SPOCK3: variants seen among roughly 807,000 people sequenced by gnomAD.
SPOCK3 encodes the protein testican-3.
A neutral mutation model predicts 56.6 loss-of-function variants in SPOCK3; 30 were observed. The ratio of observed to expected loss-of-function variants is 0.53; its 90% confidence interval spans 0.40 to 0.72. SPOCK3 has a LOEUF of 0.72. Ranked by LOEUF, SPOCK3 falls within the 30% of genes least tolerant of loss-of-function variation. SPOCK3 has a pLI of 0.00. For missense variants in SPOCK3, 527 were observed against 530.0 expected, an observed-to-expected ratio of 0.99 and a Z score of 0.06; for synonymous variants, 196 against 183.3, an observed-to-expected ratio of 1.07 and a Z score of -0.56.
intron 7 of SPOCK3, among the ~76,000 whole-genome samples, chr4:166,791,128 C>T (rs538732501): frequency 8.3e-4 from 127 of 152,122 alleles, no homozygotes; most frequent in Non-Finnish European, 1.7e-3. Context: ...TTAGTCATTA[C>T]GCATTCAAAG....
chr4:166,976,702 G>A (rs1473895818), intron 4 of SPOCK3, among the ~76,000 whole-genome samples: 3 of 151,828 alleles, frequency 2.0e-5, no homozygotes, highest in South Asian at 4.1e-4. Flanking sequence ...TGTACCTCTA[G>A]CATAAAGAAA....
chr4:167,093,269 C>G lies in SPOCK3; in HGVS notation c.190-30732G>C, dbSNP rs1758863170. ...CCCAATAATCAATACATATTGATAA[C>G]CAATTAACAGAATATATCCCTTAAT... On this transcript the variant is annotated intron_variant, in intron 2 of 10. Transcript: ENST00000357545. Among the ~76,000 whole-genome samples, 2 of 152,086 alleles carry G rather than the reference C, an allele frequency of 1.3e-5. 1 individual carries two copies. Among genetic ancestry groups the G allele is most frequent in the South Asian group, 4.1e-4 (2 of 4,824 alleles).
intron 2 of SPOCK3, among the ~76,000 whole-genome samples, chr4:167,108,690 T>C (rs1027008466): frequency 6.6e-6 from 1 of 151,428 alleles, no homozygotes. Flanking sequence ...GCAGTGGAGA[T>C]GGTTAATGGG....
At chr4:167,104,326 C>A (rs189583442) in intron 2 of SPOCK3, among the ~76,000 whole-genome samples, 82 of 152,114 alleles carry the variant, frequency 5.4e-4, no homozygotes, top group Admixed American at 2.4e-3. Flanking sequence ...GAAATCCAAG[C>A]AAATACAAGA....
intron 3 of SPOCK3, among the ~76,000 whole-genome samples, chr4:167,034,406 G>A (rs756464958): frequency 1.9e-4 from 29 of 151,728 alleles, no homozygotes; most frequent in African/African-American, 6.0e-4. Context: ...AGGTCGTCCC[G>A]GTATTTTTCA....
chr4:167,093,427 T>C (rs1050790337), intron 2 of SPOCK3, among the ~76,000 whole-genome samples: 2 of 152,152 alleles, frequency 1.3e-5, no homozygotes, highest in African/African-American at 4.8e-5. Context: ...TTTCTCCTAA[T>C]GCTCTCTCTC....
chr4:167,145,816 C>T lies in SPOCK3; in HGVS notation c.190-83279G>A, dbSNP rs536551130. Among the ~76,000 whole-genome samples, 9 of 152,114 alleles carry T rather than the reference C, an allele frequency of 5.9e-5. No homozygotes were observed. In the East Asian group the frequency reaches 1.4e-3, roughly 23 times the overall value. Reference sequence around the variant, plus strand: ...ACAAGAGCTCCTGAAGGAAGCACTACACATGGAAAGGGACAACCAGTACCA... The same window carrying T: ...ACAAGAGCTCCTGAAGGAAGCACTATACATGGAAAGGGACAACCAGTACCA... On this transcript the variant is annotated intron_variant, in intron 2 of 10. Transcript: ENST00000357545.
intron 3 of SPOCK3, among the ~76,000 whole-genome samples, chr4:167,021,458 G>A (rs1002049105): frequency 6.6e-6 from 1 of 151,950 alleles, no homozygotes; most frequent in African/African-American, 2.4e-5. Flanking sequence ...ATGTGTGACT[G>A]GCTCTTATTT....
intron 4 of SPOCK3, among the ~76,000 whole-genome samples, chr4:166,938,120 T>A (rs1450573229): frequency 2.0e-5 from 3 of 151,904 alleles, no homozygotes; most frequent in Admixed American, 6.6e-5. Flanking sequence ...GCAGAACTTT[T>A]TTAACAGATG....
At chr4:166,923,088 G>A (rs1268681746) in intron 4 of SPOCK3, among the ~76,000 whole-genome samples, 1 of 152,212 alleles carries the variant, frequency 6.6e-6, no homozygotes, top group Admixed American at 6.5e-5. Context: ...CACTCTCCCA[G>A]TGGGGGGTTT....
At position 166,802,501 on chromosome 4, in the gene SPOCK3, ATTT is replaced by A. The variant is rs1161086230; in HGVS notation, c.590-10215_590-10213del. The stretch of plus-strand genomic sequence containing the variant: ...GGTGAAGGCCCCCTTCCTAGACGGC[ATTT>A]TTTTATTGTTATGTTTTCACATGGC... On this transcript the variant is annotated intron_variant, in intron 6 of 10. Transcript: ENST00000357545. Among the ~76,000 whole-genome samples the A allele has an allele frequency of 5.9e-5, 9 of 152,194 alleles. No individual in the cohort carries two copies. In the South Asian group the frequency reaches 1.9e-3, roughly 32 times the overall value.
chr4:166,822,100 AT>A (rs1744996067), intron 6 of SPOCK3, among the ~76,000 whole-genome samples: 1 of 151,414 alleles, frequency 6.6e-6, no homozygotes, highest in Non-Finnish European at 1.5e-5. Flanking sequence ...TAAAAATAAT[AT>A]TGAGGTTTGA....
intron 2 of SPOCK3, among the ~76,000 whole-genome samples, chr4:167,227,806 T>G (rs1736741468): frequency 6.6e-6 from 1 of 152,034 alleles, no homozygotes; most frequent in Admixed American, 6.6e-5. Context: ...TCACTCTGAG[T>G]CACAATCATA....
chr4:167,151,121 A>G (rs1764378744), intron 2 of SPOCK3, among the ~76,000 whole-genome samples: 2 of 152,170 alleles, frequency 1.3e-5, no homozygotes, highest in Non-Finnish European at 2.9e-5. Context: ...TTTTTTAGAT[A>G]TGTCGATGCC....
chr4:166,985,313 G>A (rs1305067039), intron 4 of SPOCK3, among the ~76,000 whole-genome samples: 8 of 152,108 alleles, frequency 5.3e-5, no homozygotes, highest in East Asian at 3.8e-4. Context: ...TAGTTTAGAC[G>A]TAATCCGTCC....
intron 3 of SPOCK3, among the ~76,000 whole-genome samples, chr4:167,002,984 T>C (rs1749100367): frequency 6.6e-6 from 1 of 152,198 alleles, no homozygotes. Flanking sequence ...ACTTATGTTC[T>C]GAAAAAGGAG....
intron 2 of SPOCK3, among the ~76,000 whole-genome samples, chr4:167,202,883 G>C (rs1464490238): frequency 2.6e-5 from 4 of 151,666 alleles, no homozygotes; most frequent in Non-Finnish European, 4.4e-5. Flanking sequence ...TATATTTAAA[G>C]ATATTTAATA....
At chr4:166,858,931 C>G (rs80151066) in intron 6 of SPOCK3, among the ~76,000 whole-genome samples, 4,132 of 152,246 alleles carry the variant, frequency 0.027, 90 homozygotes, top group Non-Finnish European at 0.041. Flanking sequence ...CAGTCAACAG[C>G]TGGCTGCATA....
intron 2 of SPOCK3, among the ~76,000 whole-genome samples, chr4:167,167,188 C>A (rs1190694605): frequency 6.6e-6 from 1 of 152,042 alleles, no homozygotes; most frequent in African/African-American, 2.4e-5. Context: ...AGAATGAGAT[C>A]ATCAATAATC....
Sources: gnomAD v4.1 joint callset for allele counts (sites outside exome capture counted in the v4.1 genomes callset) on GRCh38, gnomAD v4.1.1 for gene constraint, MANE v1.5 for transcripts, NCBI Gene and HGNC (gene_info 2026-07-23, HGNC 2026-07-21) for gene names.